SEMA3D: variants seen among roughly 807,000 people sequenced by gnomAD.
SEMA3D encodes semaphorin 3D.
SEMA3D carries 84 observed loss-of-function variants against 100.1 expected under a neutral mutation model. The ratio of observed to expected loss-of-function variants is 0.84; its 90% CI spans 0.70 to 1.01. The LOEUF (loss-of-function observed/expected upper bound fraction) is 1.01, where lower values mean the gene tolerates loss of function less well. Among genes scored for constraint, SEMA3D ranks in the 50% least tolerant of loss-of-function variants. The pLI is 0.00. For missense variants in SEMA3D, 875 were observed against 934.1 expected (o/e 0.94, Z 0.82); for synonymous variants, 312 against 320.7 (o/e 0.97, Z 0.29).
In SEMA3D at chr7:85,055,706, A is replaced by G. The variant is rs371170073; in HGVS notation, c.861+11T>C. The stretch of plus-strand genomic sequence containing the variant: ...TATATGTTTTAAGTAAAATATATAA[A>G]TATATCTTGCCTTACAAACTCTTCC... On this transcript the variant is annotated intron_variant, in intron 9 of 18. Coordinates refer to ENST00000284136, the MANE Select transcript of SEMA3D (RefSeq NM_001384900.1). 1.1e-5 allele frequency: 11 copies of G among 1,009,058 alleles called. No homozygotes were observed. Among genetic ancestry groups the G allele is most frequent in the Non-Finnish European group, 1.5e-5 (11 of 720,574 alleles). The allele number at this position is 1,009,058 out of a possible 1,614,324, so 62.5% of individuals were successfully genotyped here. A position where few individuals can be genotyped will look rare whatever the true frequency, so the allele number is the denominator to read the frequency against.
At chr7:85,082,309 G>T (rs190946946) in intron 4 of SEMA3D, among the ~76,000 whole-genome samples, 1 of 152,158 alleles carries the variant, frequency 6.6e-6, no homozygotes. Context: ...CAAACTCATT[G>T]GTTGATAGCT....
At position 85,121,900 on chromosome 7, in the gene SEMA3D, C is replaced by G; in HGVS notation, c.-9G>C. On this transcript the variant is annotated 5_prime_UTR_variant, in exon 3 of 19. Transcript: ENST00000284136. ...TCTTTATTAGCATTCATGATGAAAA[C>G]AATGTTCTCTTTCAAATGGTGTTAA... is the stretch of plus-strand genomic sequence containing the variant. 4 of 1,508,972 alleles carry G rather than the reference C, an allele frequency of 2.7e-6. No homozygotes were observed. The highest frequency in any genetic ancestry group is 2.7e-6 in the Non-Finnish European group (3 of 1,112,344). 93.5% of individuals were successfully genotyped at this position (1,508,972 alleles called of 1,614,324 possible). A position where few individuals can be genotyped will look rare whatever the true frequency, so the allele number is the denominator to read the frequency against.
At position 85,003,427 on chromosome 7, in the gene SEMA3D, T is replaced by TA. The variant is rs927704419; in HGVS notation, c.1908+3374dup. Among the ~76,000 whole-genome samples the TA allele has an allele frequency of 1.3e-3, 203 of 152,016 alleles. 1 individual carries two copies. The highest frequency in any genetic ancestry group is 4.7e-3 in the African/African-American group (194 of 41,536). ...ACATGTAAATACAATATGCAAAATGTAAAAAAATCATAAAATAACTAGAAA... is the reference window on the plus strand; with the variant it reads ...ACATGTAAATACAATATGCAAAATGTAAAAAAAATCATAAAATAACTAGAAA... On this transcript the variant is annotated intron_variant, in intron 18 of 18. Coordinates refer to ENST00000284136, the MANE Select transcript of SEMA3D (RefSeq NM_001384900.1).
rs770739903 is a variant in SEMA3D at position 84,999,533 on chromosome 7, GC to G, written c.2240del (p.Gly747AlafsTer10). On this transcript the variant is annotated frameshift_variant, in exon 19 of 19. Coordinates refer to ENST00000284136, the MANE Select transcript of SEMA3D (RefSeq NM_001384900.1). LOFTEE classifies it high-confidence loss of function. ...TTTCCTGCATGTGCTTCCACTTTGGGCCCCCCTTGTTTCTCTGTCTCCGCTT... is the reference window on the plus strand; with the variant it reads ...TTTCCTGCATGTGCTTCCACTTTGGGCCCCCTTGTTTCTCTGTCTCCGCTT... ...REKRRQRNKG[G>X]PKWKHMQEMK... 2 of 1,613,922 alleles carry G rather than the reference GC, an allele frequency of 1.2e-6. No homozygotes were observed. The highest frequency in any genetic ancestry group is 1.7e-6 in the Non-Finnish European group (2 of 1,179,992).
intron 2 of SEMA3D, among the ~76,000 whole-genome samples, chr7:85,147,228 G>C (rs921492372): frequency 1.8e-4 from 27 of 148,614 alleles, no homozygotes; most frequent in African/African-American, 6.7e-4. Flanking sequence ...TCAGCCTCCT[G>C]AGTAGCTGGC....
At chr7:85,079,961 C>T (rs916144423) in intron 5 of SEMA3D, among the ~76,000 whole-genome samples, 27 of 152,192 alleles carry the variant, frequency 1.8e-4, no homozygotes, top group Admixed American at 1.6e-3. Context: ...ATACCAAAGC[C>T]GTGGGAGGAG....
chr7:85,170,881 C>A (rs557914218), intron 1 of SEMA3D, among the ~76,000 whole-genome samples: 1 of 152,074 alleles, frequency 6.6e-6, no homozygotes, highest in Non-Finnish European at 1.5e-5. Context: ...GAGAAGACAT[C>A]AAAACACTAG....
chr7:85,042,199 A>G lies in SEMA3D; in HGVS notation c.948T>C (p.Asp316=), dbSNP rs751978637. The change falls in exon 10 of 19, where the codon GAT becomes GAC. Residue 316 remains aspartate (D), a synonymous_variant. Transcript: ENST00000284136. ...ARLICSIPGS[D]GADTYFDELQ... is the part of the protein sequence containing the mutation. ...GCTCATCAAAGTAAGTATCTGCCCC[A>G]TCACTTCCAGGAATTGAGCAAATCA... 5 of 1,613,250 alleles carry G rather than the reference A, an allele frequency of 3.1e-6. No homozygotes were observed. The highest frequency in any genetic ancestry group is 1.7e-5 in the Admixed American group (1 of 59,970).
At chr7:85,168,991 T>C (rs1791010179) in intron 1 of SEMA3D, among the ~76,000 whole-genome samples, 1 of 151,652 alleles carries the variant, frequency 6.6e-6, no homozygotes, top group African/African-American at 2.4e-5. Context: ...ATTTAGACAA[T>C]ATCTCAGTTT....
At chr7:85,167,312 A>G (rs1168885134) in intron 1 of SEMA3D, 1 of 984,784 alleles carries the variant, frequency 1.0e-6, no homozygotes, top group African/African-American at 1.7e-5. Flanking sequence ...AATATGCAGA[A>G]CAGTCAAGGG....
chr7:85,102,910 GA>G (rs1788793844), intron 3 of SEMA3D, among the ~76,000 whole-genome samples: 2 of 151,992 alleles, frequency 1.3e-5, no homozygotes, highest in South Asian at 4.1e-4. Context: ...AAAAACAGCT[GA>G]AAAAACAGTG....
In SEMA3D at chr7:85,072,955, A is replaced by G. The variant is rs1425336623; in HGVS notation, c.495+7T>C. On this transcript the variant is annotated splice_region_variant and intron_variant, in intron 6 of 18. Transcript: ENST00000284136. ...ATTATGCTTTTCATGCTTTTTCATT[A>G]TATTACCTCCTTGTAGACTCCAAGA... The G allele has an allele frequency of 3.8e-6, 6 of 1,588,264 alleles. No homozygotes were observed. Among genetic ancestry groups the G allele is most frequent in the Non-Finnish European group, 5.1e-6 (6 of 1,168,604 alleles).
intron 9 of SEMA3D, among the ~76,000 whole-genome samples, chr7:85,053,270 C>T (rs1477169359): frequency 6.6e-6 from 1 of 151,946 alleles, no homozygotes; most frequent in African/African-American, 2.4e-5. Flanking sequence ...TTTCCTCTAA[C>T]ATGATCTGTT....
At position 84,999,377 on chromosome 7, in the gene SEMA3D, A is replaced by G; in HGVS notation, c.*63T>C. On this transcript the variant is annotated 3_prime_UTR_variant, in exon 19 of 19. Coordinates refer to ENST00000284136, the MANE Select transcript of SEMA3D (RefSeq NM_001384900.1). ...GCATTTATGAATTACTATAAGGGAT[A>G]TACAAAACAGAAGGCAATGTTTTTA... 7.7e-7 allele frequency: 1 copy of G among 1,298,076 alleles called. No individual in the cohort carries two copies. Among genetic ancestry groups the G allele is most frequent in the Non-Finnish European group, 1.1e-6 (1 of 913,930 alleles). The allele number at this position is 1,298,076 out of a possible 1,614,324, so 80.4% of individuals were successfully genotyped here. A position where few individuals can be genotyped will look rare whatever the true frequency, so the allele number is the denominator to read the frequency against.
intron 2 of SEMA3D, among the ~76,000 whole-genome samples, chr7:85,137,090 C>A (rs1381450992): frequency 6.6e-6 from 1 of 151,814 alleles, no homozygotes; most frequent in Non-Finnish European, 1.5e-5. Flanking sequence ...AAGAGATTAA[C>A]CTTTTTGACT....
At chr7:85,137,417 C>T (rs968532968) in intron 2 of SEMA3D, among the ~76,000 whole-genome samples, 3 of 151,832 alleles carry the variant, frequency 2.0e-5, no homozygotes, top group African/African-American at 7.3e-5. Context: ...TACTCACACA[C>T]ATAACACAGA....
chr7:85,126,814 C>A (rs1156871532), intron 2 of SEMA3D, among the ~76,000 whole-genome samples: 1 of 151,920 alleles, frequency 6.6e-6, no homozygotes, highest in Non-Finnish European at 1.5e-5. Flanking sequence ...TTACAGGGGG[C>A]TATTATTTAT....
At chr7:85,117,743 A>C (rs765544074) in intron 3 of SEMA3D, among the ~76,000 whole-genome samples, 1 of 151,582 alleles carries the variant, frequency 6.6e-6, no homozygotes, top group Non-Finnish European at 1.5e-5. Flanking sequence ...ACTGTACTTG[A>C]GCGTGGGAGA....
chr7:85,165,665 C>T (rs931479334), intron 1 of SEMA3D, among the ~76,000 whole-genome samples: 35 of 152,220 alleles, frequency 2.3e-4, no homozygotes, highest in African/African-American at 6.5e-4. Context: ...AGTACATATG[C>T]ATACCATCTT....
Sources: allele counts gnomAD v4.1 joint callset (sites outside exome capture counted in the v4.1 genomes callset), GRCh38; gene constraint gnomAD v4.1.1; transcripts MANE v1.5; gene names NCBI Gene and HGNC (gene_info 2026-07-23, HGNC 2026-07-21).